Variants in GALNT13 observed in about 807,000 individuals in gnomAD.
GALNT13 encodes the protein polypeptide N-acetylgalactosaminyltransferase 13, also known as UDP-GalNAc:polypeptide N-acetylgalactosaminyltransferase 13.
A neutral mutation model predicts 64.2 loss-of-function variants in GALNT13; 28 were observed. The observed-to-expected ratio is 0.44, with a 90% CI of 0.32 to 0.60. GALNT13 has a LOEUF of 0.60. Among genes scored for constraint, GALNT13 ranks in the 20% least tolerant of loss-of-function variants. The probability of loss-of-function intolerance (pLI) is 0.05; values close to 1 mark genes in which losing one functional copy is unlikely to be tolerated. For synonymous variants in GALNT13, 214 were observed against 224.6 expected, an observed-to-expected ratio of 0.95 and a Z score of 0.42; for missense variants, 577 against 669.8, an observed-to-expected ratio of 0.86 and a Z score of 1.53.
the GALNT13 span, among the ~76,000 whole-genome samples, chr2:153,175,011 C>T: frequency 2.0e-5 from 3 of 152,064 alleles, no homozygotes; most frequent in Admixed American, 2.0e-4. Context: ...TTTGATTACT[C>T]TGGGTGTTTG....
the GALNT13 span, chr2:153,420,716 C>T: frequency 1.3e-5 from 3 of 228,534 alleles, no homozygotes; most frequent in African/African-American, 6.9e-5. Context: ...CACCAACCTC[C>T]TCATAATCTT....
the GALNT13 span, among the ~76,000 whole-genome samples, chr2:153,251,687 T>G: frequency 6.9e-6 from 1 of 145,286 alleles, no homozygotes; most frequent in Non-Finnish European, 1.5e-5. Context: ...GTTCTCATTG[T>G]TCAGTTCCCA....
At chr2:153,666,560 T>C in the GALNT13 span, among the ~76,000 whole-genome samples, 1 of 152,284 alleles carries the variant, frequency 6.6e-6, no homozygotes, top group South Asian at 2.1e-4. Flanking sequence ...GAGCTGAGCC[T>C]TGGCCCCCTG....
intron 2 of GALNT13, among the ~76,000 whole-genome samples, chr2:153,913,560 A>G (rs1332786511): frequency 6.6e-6 from 1 of 152,118 alleles, no homozygotes; most frequent in African/African-American, 2.4e-5. Context: ...CATTGGCTGG[A>G]GTTCTGGCTC....
At chr2:153,599,795 A>G in the GALNT13 span, among the ~76,000 whole-genome samples, 78,375 of 151,778 alleles carry the variant, frequency 0.52, 22,236 homozygotes, top group African/African-American at 0.76. Context: ...GTGTATCTGA[A>G]AAAACATAAT....
the GALNT13 span, among the ~76,000 whole-genome samples, chr2:153,751,857 A>C: frequency 6.7e-6 from 1 of 149,664 alleles, no homozygotes; most frequent in Non-Finnish European, 1.5e-5. Context: ...GTAAGAACTT[A>C]CTCCTGCCAT....
chr2:153,265,788 T>C, the GALNT13 span, among the ~76,000 whole-genome samples: 1 of 152,206 alleles, frequency 6.6e-6, no homozygotes, highest in Admixed American at 6.5e-5. Flanking sequence ...TTTCTTGAGA[T>C]GGAATCTGTT....
chr2:154,183,002 A>T (rs1030514217), intron 4 of GALNT13, among the ~76,000 whole-genome samples: 1 of 152,070 alleles, frequency 6.6e-6, no homozygotes, highest in Non-Finnish European at 1.5e-5. Context: ...TTCCTGTAGT[A>T]TCATTGTTTT....
chr2:153,345,719 G>GTCTGTCCTTCCTTCCTTCCT, the GALNT13 span, among the ~76,000 whole-genome samples: 1 of 79,976 alleles, frequency 1.3e-5, no homozygotes, highest in African/African-American at 4.9e-5. Context: ...CTCTCTTTCT[G>GTCTGTCCTTCCTTCCTTCCT]TCCTTCCTTC....
At position 154,290,204 on chromosome 2, in the gene GALNT13, C is replaced by A. The variant is rs146764748; in HGVS notation, c.976-11205C>A. ...CAAACAAGTGGAAGTCTCACACCCT[C>A]CTAGCAGGGGAAGAATGTAGTCCAG... On this transcript the variant is annotated intron_variant, in intron 8 of 12. Transcript: ENST00000392825. Among the ~76,000 whole-genome samples, 908 of 152,274 alleles carry A rather than the reference C, an allele frequency of 6.0e-3. 9 individuals are homozygous for A. Among genetic ancestry groups the A allele is most frequent in the Non-Finnish European group, 7.2e-3 (489 of 67,998 alleles).
the GALNT13 span, among the ~76,000 whole-genome samples, chr2:153,692,735 T>G: frequency 6.6e-6 from 1 of 152,194 alleles, no homozygotes; most frequent in Admixed American, 6.5e-5. Context: ...ACAGCAACCT[T>G]GATCAACTTG....
intron 10 of GALNT13, among the ~76,000 whole-genome samples, chr2:154,399,607 T>G (rs1296440373): frequency 1.3e-5 from 2 of 152,174 alleles, no homozygotes; most frequent in Non-Finnish European, 1.5e-5. Flanking sequence ...TTGAATCTTC[T>G]GATTCATAGT....
At chr2:153,219,206 C>G in the GALNT13 span, among the ~76,000 whole-genome samples, 5 of 152,172 alleles carry the variant, frequency 3.3e-5, no homozygotes, top group Admixed American at 6.5e-5. Context: ...CTTCAGAAAA[C>G]TAGCAGAAAG....
At chr2:154,377,930 C>T (rs1048710492) in intron 9 of GALNT13, among the ~76,000 whole-genome samples, 2 of 152,070 alleles carry the variant, frequency 1.3e-5, no homozygotes, top group Non-Finnish European at 2.9e-5. Flanking sequence ...GATGCTGTGA[C>T]CTAGAGGAAA....
chr2:153,611,862 C>G, the GALNT13 span, among the ~76,000 whole-genome samples: 19,336 of 151,284 alleles, frequency 0.13, 1,659 homozygotes, highest in Middle Eastern at 0.21. Flanking sequence ...CCCTTGTCCC[C>G]CACCCCCCAA....
At chr2:154,306,232 A>T (rs768874829) in intron 9 of GALNT13, among the ~76,000 whole-genome samples, 101 of 152,132 alleles carry the variant, frequency 6.6e-4, no homozygotes, top group Non-Finnish European at 1.1e-3. Context: ...TACACGTGCC[A>T]TGGTGGTTTG....
the GALNT13 span, among the ~76,000 whole-genome samples, chr2:153,574,791 T>C: frequency 0.022 from 3,290 of 152,130 alleles, 130 homozygotes; most frequent in African/African-American, 0.074. Context: ...TTGAATTTCT[T>C]TGAGTTTCTT....
At chr2:153,535,638 G>T in the GALNT13 span, among the ~76,000 whole-genome samples, 31 of 152,342 alleles carry the variant, frequency 2.0e-4, no homozygotes, top group African/African-American at 6.5e-4. Context: ...GCATTCTGAG[G>T]ACAGGTCTGA....
chr2:153,299,390 G>A, the GALNT13 span, among the ~76,000 whole-genome samples: 1 of 152,152 alleles, frequency 6.6e-6, no homozygotes, highest in African/African-American at 2.4e-5. Context: ...AAAAGAATGG[G>A]TGGGGCTTAT....
Sources: gnomAD v4.1 joint callset for allele counts (sites outside exome capture counted in the v4.1 genomes callset) on GRCh38, gnomAD v4.1.1 for gene constraint, MANE v1.5 for transcripts, NCBI Gene and HGNC (gene_info 2026-07-23, HGNC 2026-07-21) for gene names.